CFAP69: variants seen among roughly 807,000 people sequenced by gnomAD.
CFAP69 encodes the protein cilia and flagella associated protein 69.
CFAP69 carries 92 observed loss-of-function variants against 123.0 expected under a neutral mutation model. The ratio of observed to expected loss-of-function variants is 0.75; its 90% CI spans 0.63 to 0.89. CFAP69 has a LOEUF of 0.89. Among genes scored for constraint, CFAP69 ranks in the 40% least tolerant of loss-of-function variants. The pLI, the probability that CFAP69 is intolerant of heterozygous loss-of-function variation, is 0.00. For synonymous variants in CFAP69, 380 were observed against 364.3 expected, an observed-to-expected ratio of 1.04 and a Z score of -0.49; for missense variants, 1,067 against 1,096.9, an observed-to-expected ratio of 0.97 and a Z score of 0.39.
Position 90,310,560 on chromosome 7 carries a change from G to A in CFAP69, c.*322G>A. ...AAGTCAGAAAAAAAATTTCTTACAG[G>A]CTCTATACCTATCAAATCTAGGAGG... On this transcript the variant is annotated 3_prime_UTR_variant, in exon 23 of 23. Coordinates refer to ENST00000389297, the MANE Select transcript of CFAP69 (RefSeq NM_001039706.3). The A allele has an allele frequency of 6.4e-6, 1 of 157,234 alleles. No individual in the cohort carries two copies. Among genetic ancestry groups the A allele is most frequent in the Non-Finnish European group, 1.4e-5 (1 of 71,756 alleles). 9.7% of individuals were successfully genotyped at this position (157,234 alleles called of 1,614,324 possible). A position where few individuals can be genotyped will look rare whatever the true frequency, so the allele number is the denominator to read the frequency against.
At position 90,282,989 on chromosome 7, in the gene CFAP69, G is replaced by A. The variant is rs746420017; in HGVS notation, c.1470G>A (p.Val490=). 3.1e-6 allele frequency: 5 copies of A among 1,594,196 alleles called. No individual in the cohort carries two copies. The highest frequency in any genetic ancestry group is 4.3e-6 in the Non-Finnish European group (5 of 1,171,198). The part of the protein sequence containing the change: ...MRYSLRLLRA[V]VYLEDETVNK... ...ACAGTTTAAGACTCCTGAGAGCCGT[G>A]GTCTACCTTGAAGATGAGACTGTAA... The change falls in exon 13 of 23, where the codon GTG becomes GTA. Residue 490 remains valine (V), a synonymous_variant. Transcript: ENST00000389297.
At chr7:90,254,492 A>C (rs1193559255) in intron 1 of CFAP69, among the ~76,000 whole-genome samples, 1 of 152,160 alleles carries the variant, frequency 6.6e-6, no homozygotes, top group Non-Finnish European at 1.5e-5. Flanking sequence ...TGAAAGCAAA[A>C]AAATTTTTGC....
chr7:90,257,728 A>T (rs1797820845), intron 2 of CFAP69, among the ~76,000 whole-genome samples: 1 of 152,108 alleles, frequency 6.6e-6, no homozygotes, highest in African/African-American at 2.4e-5. Flanking sequence ...GCTTAATAGG[A>T]TTCCATTGTA....
In CFAP69 at chr7:90,297,893, A is replaced by G. The variant is rs1401549129; in HGVS notation, c.1857+63A>G. The stretch of plus-strand genomic sequence containing the variant: ...ATATGTCTATTAAAGGCCGTTTCCA[A>G]ACTGAATGCCACAGAGCACAAGTCT... On this transcript the variant is annotated intron_variant, in intron 16 of 22. Coordinates refer to ENST00000389297, the MANE Select transcript of CFAP69 (RefSeq NM_001039706.3). 4 of 1,054,846 alleles carry G rather than the reference A, an allele frequency of 3.8e-6. No homozygotes were observed. In the African/African-American group the frequency reaches 6.7e-5, roughly 18 times the overall value. The allele number at this position is 1,054,846 out of a possible 1,614,324, so 65.3% of individuals were successfully genotyped here. A position where few individuals can be genotyped will look rare whatever the true frequency, so the allele number is the denominator to read the frequency against.
chr7:90,314,942 A>C (rs1484645069), downstream of CFAP69, among the ~76,000 whole-genome samples: 3 of 148,658 alleles, frequency 2.0e-5, no homozygotes, highest in Non-Finnish European at 1.5e-5. Flanking sequence ...AAAGTGGGCA[A>C]AGGACATGAA....
chr7:90,309,935 T>G, intron 22 of CFAP69, 133 bp from the exon 23 acceptor site: 1 of 667,284 alleles, frequency 1.5e-6, no homozygotes, highest in Non-Finnish European at 2.5e-6. Context: ...TATCTTTCTA[T>G]TATACCATAA....
intron 6 of CFAP69, among the ~76,000 whole-genome samples, chr7:90,270,751 C>T: frequency 6.6e-6 from 1 of 152,038 alleles, no homozygotes; most frequent in East Asian, 1.9e-4. Flanking sequence ...AAAATAAAGC[C>T]TCATCTCAGT....
At chr7:90,308,229 T>C (rs972157936) in intron 21 of CFAP69, among the ~76,000 whole-genome samples, 4 of 152,150 alleles carry the variant, frequency 2.6e-5, no homozygotes, top group African/African-American at 9.7e-5. Context: ...CTTGTATTAC[T>C]CTGTCCCCCA....
At chr7:90,266,044 A>G (rs1454671938) in intron 5 of CFAP69, 1 of 152,160 alleles carries the variant, frequency 6.6e-6, no homozygotes, top group Non-Finnish European at 1.5e-5. Context: ...TTACTAGTTT[A>G]GGTCTTTATT....
At chr7:90,288,152 A>G in intron 14 of CFAP69, 82 bp from the exon 15 acceptor site, 2 of 1,110,544 alleles carry the variant, frequency 1.8e-6, no homozygotes, top group Non-Finnish European at 2.6e-6. Flanking sequence ...TAAAAAAGCA[A>G]TATTAGGGGA....
intron 20 of CFAP69, 146 bp downstream of exon 20, chr7:90,307,244 C>A (rs1793743486): frequency 1.5e-6 from 1 of 670,288 alleles, no homozygotes. Flanking sequence ...TTCAAAATAC[C>A]CAGAAGACTT....
Position 90,282,896 on chromosome 7 carries a change from G to A in CFAP69, c.1377G>A (p.Pro459=), listed in dbSNP as rs371604187. 5.6e-4 allele frequency: 819 copies of A among 1,475,130 alleles called. No homozygotes were observed. Among genetic ancestry groups the A allele is most frequent in the Non-Finnish European group, 6.9e-4 (766 of 1,111,414 alleles). 91.4% of individuals were successfully genotyped at this position (1,475,130 alleles called of 1,614,324 possible). ...AFLEWCESED[P]FFSHGNSFHG... ...ATTATCACTTTTTCTCCACAGATCC[G>A]TTTTTCAGTCATGGTAACAGTTTTC... The change falls in exon 13 of 23, where the codon CCG becomes CCA. Residue 459 remains proline (P), a synonymous_variant. Coordinates refer to ENST00000389297, the MANE Select transcript of CFAP69 (RefSeq NM_001039706.3).
At chr7:90,270,526 T>G (rs2116898709) in intron 6 of CFAP69, among the ~76,000 whole-genome samples, 1 of 152,270 alleles carries the variant, frequency 6.6e-6, no homozygotes, top group Non-Finnish European at 1.5e-5. Context: ...TCTTCTTACT[T>G]TTTAAATGCT....
At chr7:90,250,215 A>C (rs1386533644) in intron 1 of CFAP69, among the ~76,000 whole-genome samples, 1 of 151,410 alleles carries the variant, frequency 6.6e-6, no homozygotes, top group Non-Finnish European at 1.5e-5. Flanking sequence ...AGAGAGAGAG[A>C]GAGAGAGAGA....
chr7:90,295,568 G>T (rs534853648), intron 15 of CFAP69, among the ~76,000 whole-genome samples: 1 of 152,278 alleles, frequency 6.6e-6, no homozygotes, highest in East Asian at 1.9e-4. Flanking sequence ...TGAGTCGGGG[G>T]TTTTCTCACT....
At chr7:90,297,360 G>T (rs991905591) in intron 15 of CFAP69, among the ~76,000 whole-genome samples, 2 of 152,132 alleles carry the variant, frequency 1.3e-5, no homozygotes, top group Admixed American at 6.6e-5. Flanking sequence ...TGAGAGAAGG[G>T]TTCGTTCAGT....
Position 90,255,548 on chromosome 7 carries a change from C to A in CFAP69, c.180+66C>A, listed in dbSNP as rs182796977. 1.9e-5 allele frequency: 23 copies of A among 1,188,606 alleles called. No homozygotes were observed. The Admixed American group carries it at 3.4e-4, about 18-fold the overall frequency. The allele number at this position is 1,188,606 out of a possible 1,614,324, so 73.6% of individuals were successfully genotyped here. On this transcript the variant is annotated intron_variant, in intron 2 of 22. Transcript: ENST00000389297. Reference sequence around the variant, plus strand: ...TACAAACTATTTCCCTGAAAGGTAACATATATTCCTTCAAATGTAAGTCTC... The same window carrying A: ...TACAAACTATTTCCCTGAAAGGTAAAATATATTCCTTCAAATGTAAGTCTC...
chr7:90,299,814 A>G (rs1246085900), intron 16 of CFAP69, 53 bp from the exon 17 acceptor site: 6 of 1,376,244 alleles, frequency 4.4e-6, no homozygotes, highest in Middle Eastern at 2.5e-4. Flanking sequence ...TTTGAAGACA[A>G]TAATTCTTAA....
chr7:90,295,533 C>G (rs1791818791), intron 15 of CFAP69, among the ~76,000 whole-genome samples: 1 of 152,146 alleles, frequency 6.6e-6, no homozygotes. Context: ...TTACCAGACC[C>G]CAACACTTAC....
Sources: allele counts gnomAD v4.1 joint callset (sites outside exome capture counted in the v4.1 genomes callset), GRCh38; gene constraint gnomAD v4.1.1; transcripts MANE v1.5; gene names NCBI Gene and HGNC (gene_info 2026-07-23, HGNC 2026-07-21).